The following CDC42EP3 variants were observed in gnomAD, a reference collection of about 807,000 sequenced individuals.
CDC42EP3 encodes CDC42 effector protein (Rho GTPase binding) 3.
A neutral mutation model predicts 15.5 loss-of-function variants in CDC42EP3; 4 were observed. The ratio of observed to expected loss-of-function variants is 0.26; its 90% CI spans 0.13 to 0.59. The LOEUF is 0.59. Among genes scored for constraint, CDC42EP3 ranks in the 20% least tolerant of loss-of-function variants. The probability of loss-of-function intolerance (pLI) is 0.89; values close to 1 mark genes in which losing one functional copy is unlikely to be tolerated. For missense variants in CDC42EP3, 309 were observed against 311.2 expected (o/e 0.99, Z 0.05); for synonymous variants, 145 against 130.3 (o/e 1.11, Z -0.77).
chr2:37,668,177 C>A (rs1666302616), intron 1 of CDC42EP3, among the ~76,000 whole-genome samples: 4 of 152,092 alleles, frequency 2.6e-5, no homozygotes, highest in Admixed American at 2.6e-4. Context: ...CCATATTCAC[C>A]TATTTTCAGA....
intron 1 of CDC42EP3, among the ~76,000 whole-genome samples, chr2:37,661,130 CGTGT>C (rs1302753814): frequency 3.2e-5 from 4 of 125,856 alleles, no homozygotes; most frequent in East Asian, 4.4e-4. Flanking sequence ...TGTGTGTGTG[CGTGT>C]GTGTATAGTG....
intron 1 of CDC42EP3, among the ~76,000 whole-genome samples, chr2:37,664,829 G>A (rs1380596484): frequency 2.0e-5 from 3 of 152,084 alleles, no homozygotes; most frequent in East Asian, 1.9e-4. Context: ...ACCAAATACC[G>A]CATGTGCTCA....
At chr2:37,670,918 T>C (rs1249923547) in intron 1 of CDC42EP3, among the ~76,000 whole-genome samples, 1 of 152,012 alleles carries the variant, frequency 6.6e-6, no homozygotes, top group Non-Finnish European at 1.5e-5. Context: ...CTGTTCACCG[T>C]CAAAAAACAA....
chr2:37,656,979 G>A (rs944391281), intron 1 of CDC42EP3, among the ~76,000 whole-genome samples: 111 of 79,798 alleles, frequency 1.4e-3, no homozygotes, highest in Non-Finnish European at 2.1e-3. Context: ...AAGTAACAAA[G>A]CCCCCCCCCC....
chr2:37,669,844 A>C (rs1666351254), intron 1 of CDC42EP3, among the ~76,000 whole-genome samples: 1 of 152,248 alleles, frequency 6.6e-6, no homozygotes, highest in Non-Finnish European at 1.5e-5. Context: ...CCATTCCTTG[A>C]CTATAGAAAG....
chr2:37,672,730 T>A (rs1001928097), upstream of CDC42EP3, among the ~76,000 whole-genome samples: 17 of 152,168 alleles, frequency 1.1e-4, no homozygotes, highest in African/African-American at 3.9e-4. Context: ...GGGAGGGGGC[T>A]GGGACCCCTG....
intron 1 of CDC42EP3, among the ~76,000 whole-genome samples, chr2:37,650,978 C>T (rs866906742): frequency 6.6e-6 from 1 of 152,154 alleles, no homozygotes; most frequent in Non-Finnish European, 1.5e-5. Context: ...CAGTTTATAA[C>T]AGTCAAGAGT....
upstream of CDC42EP3, chr2:37,671,825 G>GTGGT (rs1160936900): frequency 6.6e-6 from 1 of 150,750 alleles, no homozygotes; most frequent in Non-Finnish European, 1.5e-5. Context: ...GCGCGCGGGG[G>GTGGT]GGGGTCACCG....
intron 1 of CDC42EP3, among the ~76,000 whole-genome samples, chr2:37,649,445 CAAAAAAAAAAAAAAA>C (rs57232687): frequency 2.1e-4 from 10 of 48,170 alleles, no homozygotes; most frequent in East Asian, 1.4e-3. Context: ...GGCCTTGTCT[CAAAAAAAAAAAAAAA>C]AAAAAAAAAA....
At chr2:37,650,892 T>C (rs1665652427) in intron 1 of CDC42EP3, among the ~76,000 whole-genome samples, 1 of 152,244 alleles carries the variant, frequency 6.6e-6, no homozygotes, top group African/African-American at 2.4e-5. Context: ...GCAAATCATA[T>C]GCCCTCTGAC....
chr2:37,668,256 A>C (rs192368767), intron 1 of CDC42EP3, among the ~76,000 whole-genome samples: 1 of 152,212 alleles, frequency 6.6e-6, no homozygotes, highest in Non-Finnish European at 1.5e-5. Flanking sequence ...CCACTGTACT[A>C]TCTCTCTCAA....
intron 1 of CDC42EP3, among the ~76,000 whole-genome samples, chr2:37,664,231 A>G (rs543092972): frequency 1.3e-5 from 2 of 152,260 alleles, no homozygotes; most frequent in Admixed American, 6.5e-5. Flanking sequence ...AGACTTTCTG[A>G]GTCTTCTGGC....
intron 1 of CDC42EP3, among the ~76,000 whole-genome samples, chr2:37,658,533 C>T (rs1665955556): frequency 6.6e-6 from 1 of 152,176 alleles, no homozygotes; most frequent in Non-Finnish European, 1.5e-5. Context: ...ACTTTGCTTC[C>T]CTTGTCCCAT....
At chr2:37,666,705 G>A (rs575666341) in intron 1 of CDC42EP3, among the ~76,000 whole-genome samples, 4 of 152,008 alleles carry the variant, frequency 2.6e-5, no homozygotes, top group Non-Finnish European at 5.9e-5. Context: ...TTATAAAACT[G>A]TATGGTTAAA....
intron 1 of CDC42EP3, among the ~76,000 whole-genome samples, chr2:37,657,001 C>CCCCCCCCCCCCCCG (rs1208218676): frequency 6.8e-5 from 7 of 103,268 alleles, no homozygotes; most frequent in African/African-American, 1.3e-4. Context: ...CCCCCCGCCC[C>CCCCCCCCCCCCCCG]CCGCCATCCT....
chr2:37,670,111 G>A (rs1238152641), intron 1 of CDC42EP3, among the ~76,000 whole-genome samples: 1 of 152,156 alleles, frequency 6.6e-6, no homozygotes, highest in African/African-American at 2.4e-5. Flanking sequence ...AACATTACAG[G>A]AGCCTTTTAA....
At chr2:37,663,727 C>G (rs578073781) in intron 1 of CDC42EP3, among the ~76,000 whole-genome samples, 1 of 152,330 alleles carries the variant, frequency 6.6e-6, no homozygotes, top group East Asian at 1.9e-4. Context: ...TGAGTGTCGA[C>G]TTGATGGAAG....
Position 37,646,665 on chromosome 2 carries a change from C to G in CDC42EP3, c.-78G>C. ...CACAGATGGTATATGTTTCTGAATC[C>G]TTTTTGATAGGAACTGTCACATCAT... On this transcript the variant is annotated 5_prime_UTR_variant, in exon 2 of 2. Transcript: ENST00000295324. 1 of 1,338,396 alleles carries G rather than the reference C, an allele frequency of 7.5e-7. No homozygotes were observed. Among genetic ancestry groups the G allele is most frequent in the Non-Finnish European group, 1.0e-6 (1 of 980,056 alleles). The allele number at this position is 1,338,396 out of a possible 1,614,324, so 82.9% of individuals were successfully genotyped here.
chr2:37,658,403 T>C (rs189451881), intron 1 of CDC42EP3, among the ~76,000 whole-genome samples: 1 of 152,208 alleles, frequency 6.6e-6, no homozygotes, highest in African/African-American at 2.4e-5. Context: ...ATATTCCTTG[T>C]GCACAGTAGT....
Sources: gnomAD v4.1 joint callset for allele counts (sites outside exome capture counted in the v4.1 genomes callset) on GRCh38, gnomAD v4.1.1 for gene constraint, MANE v1.5 for transcripts, NCBI Gene and HGNC (gene_info 2026-07-23, HGNC 2026-07-21) for gene names.